The following RBMS3 variants were observed in gnomAD, a reference collection of about 807,000 sequenced individuals.
RBMS3 encodes RNA binding motif single stranded interacting protein 3.
Under a neutral mutation model 66.8 loss-of-function variants are expected in RBMS3, and 27 were observed. The observed-to-expected ratio is 0.40, with a 90% CI of 0.30 to 0.56. RBMS3 has a LOEUF of 0.56. Ranked by LOEUF, RBMS3 falls within the 20% of genes least tolerant of loss-of-function variation. RBMS3 has a pLI of 0.40. For missense variants in RBMS3, 513 were observed against 549.5 expected (o/e 0.93, Z 0.66); for synonymous variants, 188 against 183.0 (o/e 1.03, Z -0.22).
At chr3:29,825,803 G>T (rs1377330418) in intron 6 of RBMS3, among the ~76,000 whole-genome samples, 8 of 152,148 alleles carry the variant, frequency 5.3e-5, no homozygotes, top group African/African-American at 1.7e-4. Flanking sequence ...TCATTTGCAA[G>T]ACCTAGGTCA....
intron 12 of RBMS3, among the ~76,000 whole-genome samples, chr3:29,974,911 T>C (rs1484057465): frequency 7.0e-6 from 1 of 142,594 alleles, no homozygotes; most frequent in African/African-American, 2.5e-5. Context: ...TATTTATATA[T>C]TTTATATATA....
At chr3:29,771,703 G>A (rs1360609508) in intron 6 of RBMS3, among the ~76,000 whole-genome samples, 1 of 151,962 alleles carries the variant, frequency 6.6e-6, no homozygotes, top group Non-Finnish European at 1.5e-5. Flanking sequence ...TTGGCTCCTG[G>A]TTCCACAGGG....
chr3:29,804,402 T>G (rs2057478611), intron 6 of RBMS3, among the ~76,000 whole-genome samples: 1 of 152,038 alleles, frequency 6.6e-6, no homozygotes, highest in Non-Finnish European at 1.5e-5. Flanking sequence ...TCTATTTGCT[T>G]TAATGTTTTT....
At chr3:29,516,578 G>A (rs2148965097) in intron 3 of RBMS3, among the ~76,000 whole-genome samples, 1 of 152,160 alleles carries the variant, frequency 6.6e-6, no homozygotes, top group African/African-American at 2.4e-5. Context: ...GAATAGCAGG[G>A]AACACAGGTG....
chr3:29,861,508 T>C (rs1005181147), intron 6 of RBMS3, among the ~76,000 whole-genome samples: 1 of 152,222 alleles, frequency 6.6e-6, no homozygotes, highest in Non-Finnish European at 1.5e-5. Flanking sequence ...GTGGTCAGCT[T>C]CTGTAAGGAA....
At chr3:29,488,544 C>T (rs1446501849) in intron 3 of RBMS3, 45 bp downstream of exon 3, 1 of 1,528,896 alleles carries the variant, frequency 6.5e-7, no homozygotes. Context: ...CCTATGCTAT[C>T]TGATTAATGG....
chr3:29,445,411 A>G (rs923653090), intron 2 of RBMS3, among the ~76,000 whole-genome samples: 9 of 112,142 alleles, frequency 8.0e-5, no homozygotes, highest in Non-Finnish European at 1.5e-4. Context: ...TGCTGCTGAG[A>G]CAAAAAAAAA....
chr3:29,701,187 G>A (rs1163168738), intron 4 of RBMS3, among the ~76,000 whole-genome samples: 3 of 151,936 alleles, frequency 2.0e-5, no homozygotes, highest in African/African-American at 7.3e-5. Flanking sequence ...TGAGGCAGGC[G>A]AATTGCTTGA....
chr3:29,494,585 C>T (rs961167177), intron 3 of RBMS3, among the ~76,000 whole-genome samples: 2 of 152,166 alleles, frequency 1.3e-5, no homozygotes, highest in African/African-American at 4.8e-5. Context: ...AGCTATTGTA[C>T]AAGACACAGA....
intron 4 of RBMS3, among the ~76,000 whole-genome samples, chr3:29,662,331 AG>A (rs1485293621): frequency 6.6e-6 from 1 of 152,200 alleles, no homozygotes; most frequent in African/African-American, 2.4e-5. Flanking sequence ...ACCTGTTTAT[AG>A]ACACTGAAAA....
intron 6 of RBMS3, among the ~76,000 whole-genome samples, chr3:29,776,141 A>G (rs570318560): frequency 8.5e-5 from 13 of 152,096 alleles, no homozygotes; most frequent in Admixed American, 2.0e-4. Context: ...CTACACCTAT[A>G]TGATGTTAAA....
Position 29,622,765 on chromosome 3 carries a change from G to A in RBMS3, c.399+35560G>A, listed in dbSNP as rs75389757. Among the ~76,000 whole-genome samples the A allele has an allele frequency of 1.1e-4, 16 of 152,302 alleles. No individual in the cohort carries two copies. In the East Asian group the frequency reaches 3.1e-3, roughly 29 times the overall value. On this transcript the variant is annotated intron_variant, in intron 4 of 14. Transcript: ENST00000383767. The stretch of plus-strand genomic sequence containing the variant: ...ACATTCCAACTCTGCCACTGTGGAA[G>A]CTTAGGGGAGTAACTTTATTTCCTT...
chr3:29,682,833 A>C (rs2051555668), intron 4 of RBMS3, among the ~76,000 whole-genome samples: 1 of 152,210 alleles, frequency 6.6e-6, no homozygotes, highest in African/African-American at 2.4e-5. Context: ...AGAGAGAAGG[A>C]GATAGATTGG....
chr3:29,351,067 G>A (rs2125558585), intron 1 of RBMS3, among the ~76,000 whole-genome samples: 1 of 152,078 alleles, frequency 6.6e-6, no homozygotes, highest in Non-Finnish European at 1.5e-5. Flanking sequence ...TTGCTTACTT[G>A]ATTTCTTCCC....
At chr3:29,976,331 G>GA (rs538870494) in intron 12 of RBMS3, among the ~76,000 whole-genome samples, 34 of 152,118 alleles carry the variant, frequency 2.2e-4, no homozygotes, top group Non-Finnish European at 4.4e-4. Context: ...ACTCCCAGTA[G>GA]AAGTATATCC....
intron 4 of RBMS3, among the ~76,000 whole-genome samples, chr3:29,681,731 C>A (rs148095861): frequency 0.078 from 11,886 of 152,224 alleles, 827 homozygotes; most frequent in African/African-American, 0.18. Context: ...ATATGTACCA[C>A]ATTTTCTTTA....
chr3:29,916,893 G>A (rs775499249), intron 10 of RBMS3, among the ~76,000 whole-genome samples: 6 of 151,988 alleles, frequency 3.9e-5, no homozygotes, highest in Non-Finnish European at 8.8e-5. Context: ...TTCCTGAAAT[G>A]TTTTTAGCAG....
intron 6 of RBMS3, among the ~76,000 whole-genome samples, chr3:29,851,824 A>T (rs990680422): frequency 6.6e-6 from 1 of 152,240 alleles, no homozygotes; most frequent in African/African-American, 2.4e-5. Flanking sequence ...GAACTAGAAA[A>T]AACTATTTTA....
chr3:29,409,899 T>C (rs935632758), intron 1 of RBMS3, among the ~76,000 whole-genome samples: 10 of 152,216 alleles, frequency 6.6e-5, no homozygotes, highest in Admixed American at 1.3e-4. Context: ...TTCAGTATAC[T>C]GTGCACTGTT....
Sources: allele counts gnomAD v4.1 joint callset (sites outside exome capture counted in the v4.1 genomes callset), GRCh38; gene constraint gnomAD v4.1.1; transcripts MANE v1.5; gene names NCBI Gene and HGNC (gene_info 2026-07-23, HGNC 2026-07-21).